ESRRB: variants seen among roughly 807,000 people sequenced by gnomAD.
The protein encoded by ESRRB is steroid hormone receptor ERR2.
ESRRB carries 16 observed loss-of-function variants against 46.0 expected under a neutral mutation model. The observed-to-expected ratio is 0.35, with a 90% CI of 0.24 to 0.53. The LOEUF is 0.53. ESRRB is among the 20% of genes least tolerant of loss of function. The probability of loss-of-function intolerance (pLI) is 0.93; values close to 1 mark genes in which losing one functional copy is unlikely to be tolerated. For synonymous variants in ESRRB, 246 were observed against 259.6 expected (o/e 0.95, Z 0.50); for missense variants, 488 against 607.4 (o/e 0.80, Z 2.07).
chr14:76,500,945 G>C lies in ESRRB; in HGVS notation c.*2487G>C, dbSNP rs561907689. On this transcript the variant is annotated 3_prime_UTR_variant, in exon 7 of 7. Transcript: ENST00000644823. ...AACTCCATCCAATGGGAAAGTTCCT[G>C]GTACTGAAGGGGTCCATTGGACACT... 3.3e-6 allele frequency: 2 copies of C among 602,758 alleles called. No individual in the cohort carries two copies. The highest frequency in any genetic ancestry group is 2.8e-5 in the East Asian group (1 of 35,476). The allele number at this position is 602,758 out of a possible 1,614,324, so 37.3% of individuals were successfully genotyped here.
At position 76,499,077 on chromosome 14, in the gene ESRRB, C is replaced by G. The variant is rs1038678209; in HGVS notation, c.*619C>G. The stretch of plus-strand genomic sequence containing the variant: ...AGAGCTCAAGTGCTTCCTGGGCACC[C>G]CACCCCTCGGGGCCTACCCCCCTGC... On this transcript the variant is annotated 3_prime_UTR_variant, in exon 7 of 7. Coordinates refer to ENST00000644823, the MANE Select transcript of ESRRB (RefSeq NM_001379180.1). The G allele has an allele frequency of 3.0e-6, 1 of 335,454 alleles. No individual in the cohort carries two copies. The highest frequency in any genetic ancestry group is 5.9e-6 in the Non-Finnish European group (1 of 169,902). The allele number at this position is 335,454 out of a possible 1,614,324, so 20.8% of individuals were successfully genotyped here. A position where few individuals can be genotyped will look rare whatever the true frequency, so the allele number is the denominator to read the frequency against.
At chr14:76,388,175 CTT>C (rs35368784) in intron 1 of ESRRB, among the ~76,000 whole-genome samples, 24 of 118,252 alleles carry the variant, frequency 2.0e-4, no homozygotes, top group African/African-American at 5.3e-4. Flanking sequence ...TTCTTTCATT[CTT>C]TTTTTTTTTT....
At position 76,336,660 on chromosome 14, in the gene ESRRB, G is replaced by A. The variant is rs578221618; in HGVS notation, c.2+25744G>A. Among the ~76,000 whole-genome samples the A allele has an allele frequency of 7.9e-5, 12 of 152,308 alleles. No individual in the cohort carries two copies. In the South Asian group the frequency reaches 2.1e-3, roughly 26 times the overall value. On this transcript the variant is annotated intron_variant, in intron 1 of 6. Coordinates refer to the ESRRB transcript ENST00000512784. ...CCCAGGATCCCCAGGGCAAAAGCAGGAGTGAGAGGAAGCCACTGAAAGCTC... is the reference window on the plus strand; with the variant it reads ...CCCAGGATCCCCAGGGCAAAAGCAGAAGTGAGAGGAAGCCACTGAAAGCTC...
At chr14:76,333,119 A>C (rs865793563) in intron 1 of ESRRB, among the ~76,000 whole-genome samples, 1 of 3,108 alleles carries the variant, frequency 3.2e-4, no homozygotes, top group African/African-American at 1.1e-3. Context: ...ATAATATATA[A>C]TATATATATT....
intron 1 of ESRRB, among the ~76,000 whole-genome samples, chr14:76,411,512 C>A (rs1886440942): frequency 6.6e-6 from 1 of 152,046 alleles, no homozygotes; most frequent in Non-Finnish European, 1.5e-5. Flanking sequence ...CAGTTCAGTA[C>A]CCCTTTATGA....
At chr14:76,472,392 A>G (rs1452710677) in intron 3 of ESRRB, among the ~76,000 whole-genome samples, 1 of 152,152 alleles carries the variant, frequency 6.6e-6, no homozygotes, top group Non-Finnish European at 1.5e-5. Flanking sequence ...ACTCACTAAC[A>G]CTTATCCACC....
intron 5 of ESRRB, among the ~76,000 whole-genome samples, chr14:76,484,745 C>CA (rs749800848): frequency 6.6e-6 from 1 of 152,248 alleles, no homozygotes; most frequent in Non-Finnish European, 1.5e-5. Context: ...ATGGCTAGAG[C>CA]AGAGTGAGTG....
intron 1 of ESRRB, among the ~76,000 whole-genome samples, chr14:76,323,791 T>C (rs2066750831): frequency 6.6e-6 from 1 of 152,184 alleles, no homozygotes; most frequent in African/African-American, 2.4e-5. Flanking sequence ...ACCAAGGCGC[T>C]GGTTCTCCAG....
chr14:76,432,125 G>C (rs576666175), intron 1 of ESRRB, among the ~76,000 whole-genome samples: 4 of 152,182 alleles, frequency 2.6e-5, no homozygotes, highest in Non-Finnish European at 5.9e-5. Context: ...ATACTTCTAA[G>C]TCAGTGGTTC....
At chr14:76,477,960 A>G (rs1889646767) in intron 3 of ESRRB, among the ~76,000 whole-genome samples, 1 of 152,216 alleles carries the variant, frequency 6.6e-6, no homozygotes, top group Non-Finnish European at 1.5e-5. Context: ...AAATGAGGAT[A>G]ATAGCACCTG....
intron 1 of ESRRB, among the ~76,000 whole-genome samples, chr14:76,429,328 T>C (rs1162394159): frequency 6.6e-6 from 1 of 152,168 alleles, no homozygotes; most frequent in Non-Finnish European, 1.5e-5. Context: ...GAACTTATGA[T>C]TCAGTGACTC....
intron 1 of ESRRB, among the ~76,000 whole-genome samples, chr14:76,384,433 A>G (rs1885137590): frequency 6.6e-6 from 1 of 152,152 alleles, no homozygotes; most frequent in Non-Finnish European, 1.5e-5. Flanking sequence ...TCTTCGTGCA[A>G]ACATAAACAT....
intron 1 of ESRRB, among the ~76,000 whole-genome samples, chr14:76,343,655 G>A (rs1044704707): frequency 9.9e-5 from 15 of 152,238 alleles, no homozygotes; most frequent in Admixed American, 3.9e-4. Flanking sequence ...CCTCCACGGG[G>A]CTGCTTGGGC....
intron 1 of ESRRB, among the ~76,000 whole-genome samples, chr14:76,422,558 A>G (rs1242009097): frequency 1.3e-5 from 2 of 152,122 alleles, no homozygotes; most frequent in Non-Finnish European, 2.9e-5. Flanking sequence ...ACTGAGAACT[A>G]TGTGGGTAGG....
chr14:76,410,053 G>A (rs1310407071), intron 1 of ESRRB, among the ~76,000 whole-genome samples: 10 of 151,988 alleles, frequency 6.6e-5, no homozygotes, highest in East Asian at 3.9e-4. Flanking sequence ...GTGAAACTCC[G>A]TCTCTACTAA....
At chr14:76,369,878 G>C (rs1005144293), upstream of ESRRB, among the ~76,000 whole-genome samples, 2 of 152,120 alleles carry the variant, frequency 1.3e-5, no homozygotes, top group Non-Finnish European at 2.9e-5. Context: ...ATATTTTGTG[G>C]TTTCTCTAAA....
At chr14:76,439,873 T>C in intron 2 of ESRRB, 123 bp downstream of exon 2, 1 of 1,066,000 alleles carries the variant, frequency 9.4e-7, no homozygotes, top group Non-Finnish European at 1.3e-6. Flanking sequence ...GGAGCGGTAC[T>C]TCTGTGGGGC....
chr14:76,332,856 ATT>A (rs1376299931), intron 1 of ESRRB, among the ~76,000 whole-genome samples: 16 of 34,634 alleles, frequency 4.6e-4, no homozygotes, highest in Non-Finnish European at 6.3e-4. Flanking sequence ...TATATTATAT[ATT>A]TATATATAAT....
intron 1 of ESRRB, among the ~76,000 whole-genome samples, chr14:76,427,148 G>T (rs1220070174): frequency 6.6e-6 from 1 of 152,162 alleles, no homozygotes; most frequent in Non-Finnish European, 1.5e-5. Context: ...AGGGAAGAAT[G>T]ACCTTGCTCA....
Sources: allele counts gnomAD v4.1 joint callset (sites outside exome capture counted in the v4.1 genomes callset), GRCh38; gene constraint gnomAD v4.1.1; transcripts MANE v1.5; gene names NCBI Gene and HGNC (gene_info 2026-07-23, HGNC 2026-07-21).